DOCK3: variants seen among roughly 807,000 people sequenced by gnomAD.
The protein encoded by DOCK3 is dedicator of cytokinesis protein 3.
In DOCK3, 60 loss-of-function variants were observed where a neutral mutation model predicts 265.6. The ratio of observed to expected loss-of-function variants is 0.23; its 90% CI spans 0.18 to 0.28. The LOEUF is 0.28. Among genes scored for constraint, DOCK3 ranks in the 10% least tolerant of loss-of-function variants. The pLI is 1.00. For synonymous variants in DOCK3, 881 were observed against 938.0 expected, an observed-to-expected ratio of 0.94 and a Z score of 1.11; for missense variants, 1,981 against 2,594.3, an observed-to-expected ratio of 0.76 and a Z score of 5.14.
chr3:50,786,974 A>G, intron 2 of DOCK3: 1 of 742,916 alleles, frequency 1.3e-6, no homozygotes. Flanking sequence ...CATGTGTGCA[A>G]CCATGTGTTT....
chr3:50,903,344 A>G (rs2049303059), intron 4 of DOCK3, among the ~76,000 whole-genome samples: 2 of 152,132 alleles, frequency 1.3e-5, no homozygotes, highest in South Asian at 2.1e-4. Flanking sequence ...TAGTCCTTCA[A>G]TACCTAGTTT....
At chr3:50,790,881 T>G (rs1157124835) in intron 2 of DOCK3, among the ~76,000 whole-genome samples, 1 of 152,224 alleles carries the variant, frequency 6.6e-6, no homozygotes, top group Admixed American at 6.5e-5. Context: ...ATGATACTTT[T>G]TTTCATATGC....
At chr3:50,688,628 A>G (rs1231742602) in intron 1 of DOCK3, among the ~76,000 whole-genome samples, 1 of 151,972 alleles carries the variant, frequency 6.6e-6, no homozygotes, top group Non-Finnish European at 1.5e-5. Context: ...AAGCCTGACT[A>G]ATTTTTGTAT....
chr3:50,750,771 C>T (rs1167858984), intron 1 of DOCK3, among the ~76,000 whole-genome samples: 1 of 152,164 alleles, frequency 6.6e-6, no homozygotes, highest in African/African-American at 2.4e-5. Flanking sequence ...TAGATTTTCT[C>T]CGCTGTCCAT....
intron 5 of DOCK3, among the ~76,000 whole-genome samples, chr3:51,005,330 C>A (rs895061436): frequency 6.6e-6 from 1 of 152,010 alleles, no homozygotes; most frequent in African/African-American, 2.4e-5. Context: ...ACTGGTGATG[C>A]CCCCAAACTT....
chr3:50,866,313 C>A (rs1431251335), intron 3 of DOCK3, among the ~76,000 whole-genome samples: 1 of 151,926 alleles, frequency 6.6e-6, no homozygotes, highest in African/African-American at 2.4e-5. Context: ...GGTGAAATCC[C>A]GTCTCTACTA....
At chr3:51,006,576 T>C (rs2078684766) in intron 5 of DOCK3, among the ~76,000 whole-genome samples, 1 of 152,212 alleles carries the variant, frequency 6.6e-6, no homozygotes, top group Non-Finnish European at 1.5e-5. Context: ...CTAAATACTT[T>C]GCAAGTCTAC....
intron 2 of DOCK3, among the ~76,000 whole-genome samples, chr3:50,806,308 A>G (rs1338688968): frequency 1.3e-5 from 2 of 151,850 alleles, no homozygotes; most frequent in Non-Finnish European, 2.9e-5. Flanking sequence ...TTTCACATCC[A>G]AGAGTTGAGC....
intron 6 of DOCK3, among the ~76,000 whole-genome samples, chr3:51,071,726 G>A (rs4511933): frequency 0.9 from 137,182 of 152,198 alleles, 62,016 homozygotes; most frequent in African/African-American, 0.95. Flanking sequence ...ATACTGTAAT[G>A]CAATGCATCT....
intron 5 of DOCK3, among the ~76,000 whole-genome samples, chr3:50,934,828 A>G (rs767915543): frequency 6.6e-6 from 1 of 152,162 alleles, no homozygotes; most frequent in Non-Finnish European, 1.5e-5. Context: ...ATGTAGAAAT[A>G]ATCATAATAT....
At chr3:50,966,718 T>G (rs904955506) in intron 5 of DOCK3, among the ~76,000 whole-genome samples, 9 of 152,062 alleles carry the variant, frequency 5.9e-5, no homozygotes, top group African/African-American at 1.9e-4. Context: ...CATCCAGGAT[T>G]TCTGGGCTGT....
chr3:51,123,940 T>C (rs191704691), intron 9 of DOCK3, among the ~76,000 whole-genome samples: 21 of 152,320 alleles, frequency 1.4e-4, no homozygotes, highest in Admixed American at 7.2e-4. Context: ...TTAACTCTTT[T>C]CTGTGCCCCA....
Position 51,381,160 on chromosome 3 carries a change from G to A in DOCK3, c.5694G>A (p.Glu1898=), listed in dbSNP as rs911066949. The A allele has an allele frequency of 1.2e-6, 2 of 1,613,814 alleles. No homozygotes were observed. Among genetic ancestry groups the A allele is most frequent in the East Asian group, 2.2e-5 (1 of 44,878 alleles). ...GCAGCGGCGTGTCCTCCTTGAGTGA[G>A]AGTAACTTTGGGCACTCCTCGGAGG... The part of the protein sequence containing the change: ...SASSGVSSLS[E]SNFGHSSEAP... The change falls in exon 53 of 53, where the codon GAG becomes GAA. Residue 1898 remains glutamate (E), a synonymous_variant. Transcript: ENST00000266037. This position sits in a 1 kb window ranked among gnomAD's most constrained non-coding sequence, Gnocchi z 5.6.
chr3:51,353,542 G>T (rs1437318207), intron 40 of DOCK3, among the ~76,000 whole-genome samples: 1 of 152,136 alleles, frequency 6.6e-6, no homozygotes, highest in Non-Finnish European at 1.5e-5. Flanking sequence ...AACCCGGGAG[G>T]CATAGATTGC....
intron 5 of DOCK3, among the ~76,000 whole-genome samples, chr3:51,016,557 C>CATATATTATATATGATATATATATTTAT (rs1363421395): frequency 1.5e-4 from 1 of 6,620 alleles, no homozygotes; most frequent in Non-Finnish European, 1.9e-4. Flanking sequence ...TTATATATAT[C>CATATATTATATATGATATATATATTTAT]ATATATTATA....
At chr3:51,033,644 A>C (rs542040847) in intron 5 of DOCK3, among the ~76,000 whole-genome samples, 3 of 152,292 alleles carry the variant, frequency 2.0e-5, no homozygotes, top group South Asian at 2.1e-4. Context: ...TTAATTTTTC[A>C]GTTATAATTG....
chr3:51,047,766 G>A (rs1001529488), intron 5 of DOCK3, among the ~76,000 whole-genome samples: 7 of 152,048 alleles, frequency 4.6e-5, no homozygotes, highest in Admixed American at 2.0e-4. Context: ...TCCCAACAGA[G>A]GAAATCCCGG....
intron 27 of DOCK3, among the ~76,000 whole-genome samples, chr3:51,284,760 A>T (rs986521494): frequency 6.6e-6 from 1 of 152,166 alleles, no homozygotes; most frequent in Non-Finnish European, 1.5e-5. Flanking sequence ...GTCCAAGTGT[A>T]CCCATTCTTC....
At chr3:51,318,737 A>G (rs185674368) in intron 32 of DOCK3, among the ~76,000 whole-genome samples, 16 of 152,168 alleles carry the variant, frequency 1.1e-4, no homozygotes, top group Middle Eastern at 3.4e-3. Flanking sequence ...ATATTGTTTG[A>G]ACTTCTGTAG....
Sources: gnomAD v4.1 joint callset for allele counts (sites outside exome capture counted in the v4.1 genomes callset) on GRCh38, gnomAD v4.1.1 for gene constraint, Gnocchi (gnomAD v3.1) non-coding constraint, MANE v1.5 for transcripts, NCBI Gene and HGNC (gene_info 2026-07-23, HGNC 2026-07-21) for gene names.